ERGIC1: variants seen among roughly 807,000 people sequenced by gnomAD.
The protein encoded by ERGIC1 is endoplasmic reticulum-Golgi intermediate compartment protein 1.
In ERGIC1, 19 loss-of-function variants were observed where a neutral mutation model predicts 38.3. The ratio of observed to expected loss-of-function variants is 0.50; its 90% CI spans 0.35 to 0.73. The LOEUF is 0.73. ERGIC1 is among the 30% of genes least tolerant of loss of function. The pLI is 0.01. For synonymous variants in ERGIC1, 124 were observed against 157.6 expected, an observed-to-expected ratio of 0.79 and a Z score of 1.60; for missense variants, 294 against 389.2, an observed-to-expected ratio of 0.76 and a Z score of 2.06.
At chr5:172,923,149 G>T (rs973154968) in intron 5 of ERGIC1, among the ~76,000 whole-genome samples, 1 of 92,768 alleles carries the variant, frequency 1.1e-5, no homozygotes, top group African/African-American at 4.0e-5. Context: ...GGAGGAGGAG[G>T]AGGGTTCCAG....
intron 9 of ERGIC1, among the ~76,000 whole-genome samples, chr5:172,948,133 C>T (rs1182279527): frequency 2.0e-5 from 3 of 152,054 alleles, no homozygotes; most frequent in Admixed American, 6.6e-5. Flanking sequence ...TCACCATAAT[C>T]CCCCCAGCGC....
At chr5:172,839,808 G>A (rs1426183535) in intron 1 of ERGIC1, among the ~76,000 whole-genome samples, 2 of 152,158 alleles carry the variant, frequency 1.3e-5, no homozygotes, top group Admixed American at 6.6e-5. Flanking sequence ...CCACTTTACA[G>A]GTGAGCCAGT....
intron 9 of ERGIC1, among the ~76,000 whole-genome samples, chr5:172,941,569 A>G (rs1011805529): frequency 2.3e-4 from 35 of 152,300 alleles, no homozygotes; most frequent in Middle Eastern, 3.4e-3. Flanking sequence ...ATCTTCCAAA[A>G]CAAGGGCTGT....
chr5:172,951,968 C>A lies in ERGIC1; in HGVS notation c.*1152C>A, dbSNP rs1030715629. On this transcript the variant is annotated 3_prime_UTR_variant, in exon 10 of 10. Coordinates refer to ENST00000393784, the MANE Select transcript of ERGIC1 (RefSeq NM_001031711.3). ...TCCATCAGCTGGTCACATGCCAACA[C>A]GTTCCCAGCCCCTGAGGCAGCTCCA... 6.6e-6 allele frequency: 1 copy of A among 152,300 alleles called. No homozygotes were observed. The highest frequency in any genetic ancestry group is 1.5e-5 in the Non-Finnish European group (1 of 68,114). The allele number at this position is 152,300 out of a possible 1,614,324, so 9.4% of individuals were successfully genotyped here. A position where few individuals can be genotyped will look rare whatever the true frequency, so the allele number is the denominator to read the frequency against.
rs751384563 is a variant in ERGIC1, at chr5:172,932,583, GC to G, written c.642+48del. On this transcript the variant is annotated intron_variant, in intron 8 of 9. Coordinates refer to ENST00000393784, the MANE Select transcript of ERGIC1 (RefSeq NM_001031711.3). ...CGAGCTGTGTGCGGCGGCGCCCTCT[GC>G]TGACGGAGAGCAGAGATGACAGGCG... is the stretch of plus-strand genomic sequence containing the variant. The G allele has an allele frequency of 2.5e-5, 39 of 1,576,566 alleles. No homozygotes were observed. In the South Asian group the frequency reaches 4.1e-4, roughly 17 times the overall value.
chr5:172,845,273 G>A (rs1323803045), intron 1 of ERGIC1, among the ~76,000 whole-genome samples: 1 of 152,152 alleles, frequency 6.6e-6, no homozygotes, highest in Non-Finnish European at 1.5e-5. Context: ...GAAGCCTTGG[G>A]GGGCCCTGGT....
intron 1 of ERGIC1, among the ~76,000 whole-genome samples, chr5:172,882,988 A>G (rs1406632228): frequency 6.6e-6 from 1 of 152,154 alleles, no homozygotes; most frequent in Non-Finnish European, 1.5e-5. Context: ...GCTGGAGTAC[A>G]GTGGAGTCGT....
At chr5:172,857,541 G>GC (rs1446803907) in intron 1 of ERGIC1, among the ~76,000 whole-genome samples, 1 of 151,428 alleles carries the variant, frequency 6.6e-6, no homozygotes, top group Non-Finnish European at 1.5e-5. Context: ...GTCCTTCACC[G>GC]CCCTGGGACT....
chr5:172,908,300 C>CGGGGGGGGGGGGGGGGGGGGG (rs374463442), intron 3 of ERGIC1, among the ~76,000 whole-genome samples: 1 of 17,152 alleles, frequency 5.8e-5, no homozygotes. Context: ...GAGGCTGAGG[C>CGGGGGGGGGGGGGGGGGGGGG]GGGGGCGGGG....
chr5:172,882,708 G>A (rs749107638), intron 1 of ERGIC1, among the ~76,000 whole-genome samples: 2 of 152,120 alleles, frequency 1.3e-5, no homozygotes, highest in Non-Finnish European at 2.9e-5. Context: ...TCCTTTGATT[G>A]CCTTCTGTAG....
chr5:172,893,595 T>C (rs1762622256), intron 2 of ERGIC1, among the ~76,000 whole-genome samples: 1 of 151,982 alleles, frequency 6.6e-6, no homozygotes, highest in South Asian at 2.1e-4. Flanking sequence ...ATGTTTTGCC[T>C]GCTCAGTTTT....
intron 5 of ERGIC1, chr5:172,918,154 A>C (rs1008673129): frequency 2.0e-5 from 3 of 152,200 alleles, no homozygotes; most frequent in African/African-American, 4.8e-5. Context: ...TGAAACCCTT[A>C]ATCAATCAGT....
intron 2 of ERGIC1, among the ~76,000 whole-genome samples, chr5:172,891,414 T>C (rs973330400): frequency 6.6e-6 from 1 of 152,122 alleles, no homozygotes; most frequent in Admixed American, 6.5e-5. Context: ...GTGTGTATTT[T>C]TCTAGAGTTT....
chr5:172,836,983 C>A (rs1761052452), intron 1 of ERGIC1, among the ~76,000 whole-genome samples: 1 of 152,094 alleles, frequency 6.6e-6, no homozygotes, highest in Non-Finnish European at 1.5e-5. Flanking sequence ...GCTGTTAGCT[C>A]CAAAGCCTTA....
chr5:172,846,401 G>T lies in ERGIC1; in HGVS notation c.20+11968G>T, dbSNP rs75800595. On this transcript the variant is annotated intron_variant, in intron 1 of 9. Transcript: ENST00000393784. The surrounding 1 kb of genome is among the most constrained non-coding windows in gnomAD (Gnocchi z 4.0). ...TAAGATGGGGCAGGAGAAGGAGCTT[G>T]TAAGAACCCATTGTCCTCCCTGGCC... Among the ~76,000 whole-genome samples the T allele has an allele frequency of 7.3e-3, 1,111 of 152,364 alleles. 4 individuals are homozygous for T. Among genetic ancestry groups the T allele is most frequent in the Non-Finnish European group, 0.011 (761 of 68,036 alleles).
chr5:172,902,497 C>G (rs942546708), intron 3 of ERGIC1, among the ~76,000 whole-genome samples: 7 of 152,178 alleles, frequency 4.6e-5, no homozygotes, highest in Admixed American at 2.6e-4. Flanking sequence ...CAGCTCACCC[C>G]TTGTGAAGAT....
chr5:172,904,045 C>T (rs1054871314), intron 3 of ERGIC1, among the ~76,000 whole-genome samples: 4 of 152,172 alleles, frequency 2.6e-5, no homozygotes, highest in Non-Finnish European at 4.4e-5. Flanking sequence ...GGGCAGCCAA[C>T]AGCTTGACCT....
At chr5:172,835,295 C>T (rs1761006623) in intron 1 of ERGIC1, among the ~76,000 whole-genome samples, 1 of 152,182 alleles carries the variant, frequency 6.6e-6, no homozygotes, top group Non-Finnish European at 1.5e-5. Flanking sequence ...CTGGCTCTGC[C>T]CTTTCTACTG....
chr5:172,861,004 C>T (rs748778082), intron 1 of ERGIC1, among the ~76,000 whole-genome samples: 2 of 152,184 alleles, frequency 1.3e-5, no homozygotes, highest in Admixed American at 1.3e-4. Flanking sequence ...CTCATCCACC[C>T]TCCTGGGCAC....
Sources: allele counts gnomAD v4.1 joint callset (sites outside exome capture counted in the v4.1 genomes callset), GRCh38; gene constraint gnomAD v4.1.1; non-coding constraint Gnocchi (gnomAD v3.1); transcripts MANE v1.5; gene names NCBI Gene and HGNC (gene_info 2026-07-23, HGNC 2026-07-21).